MACROD2: variants seen among roughly 807,000 people sequenced by gnomAD.
The protein encoded by MACROD2 is mono-ADP ribosylhydrolase 2, also known as ADP-ribose glycohydrolase MACROD2.
In MACROD2, 36 loss-of-function variants were observed where a neutral mutation model predicts 70.4. The ratio of observed to expected loss-of-function variants is 0.51; its 90% CI spans 0.39 to 0.68. MACROD2 has a LOEUF of 0.68. Ranked by LOEUF, MACROD2 falls within the 30% of genes least tolerant of loss-of-function variation. MACROD2 has a pLI of 0.00. For missense variants in MACROD2, 496 were observed against 538.4 expected, an observed-to-expected ratio of 0.92 and a Z score of 0.78; for synonymous variants, 172 against 178.8, an observed-to-expected ratio of 0.96 and a Z score of 0.30.
intron 6 of MACROD2, among the ~76,000 whole-genome samples, chr20:15,386,837 A>G (rs2045720110): frequency 1.3e-5 from 2 of 152,340 alleles, no homozygotes; most frequent in South Asian, 4.1e-4. Context: ...AAATAGTTTG[A>G]AAAGTATTTA....
intron 8 of MACROD2, among the ~76,000 whole-genome samples, chr20:15,585,160 A>ATTT (rs2146655044): frequency 6.7e-6 from 1 of 149,762 alleles, no homozygotes; most frequent in South Asian, 2.1e-4. Context: ...TCCAGCCACC[A>ATTT]CTATCTGTGC....
At chr20:14,342,460 G>A (rs2083023123) in intron 3 of MACROD2, among the ~76,000 whole-genome samples, 1 of 152,126 alleles carries the variant, frequency 6.6e-6, no homozygotes, top group Non-Finnish European at 1.5e-5. Flanking sequence ...TCAACAGGTA[G>A]TGATGCATGT....
intron 3 of MACROD2, among the ~76,000 whole-genome samples, chr20:14,103,269 A>T (rs1313688954): frequency 6.6e-6 from 1 of 152,126 alleles, no homozygotes; most frequent in Non-Finnish European, 1.5e-5. Flanking sequence ...CCCTATTTTT[A>T]AAGGAATATC....
chr20:14,335,761 T>C (rs1042046185), intron 3 of MACROD2, among the ~76,000 whole-genome samples: 1 of 152,130 alleles, frequency 6.6e-6, no homozygotes, highest in African/African-American at 2.4e-5. Flanking sequence ...ACTTGATGTG[T>C]TTTGGTTGTG....
intron 15 of MACROD2, among the ~76,000 whole-genome samples, chr20:16,035,186 T>A (rs78652700): frequency 0.78 from 94,121 of 121,086 alleles, 36,669 homozygotes; most frequent in Non-Finnish European, 0.84. Flanking sequence ...TTATATATTA[T>A]ATATAAAATA....
intron 6 of MACROD2, among the ~76,000 whole-genome samples, chr20:15,298,711 C>T (rs1600214745): frequency 6.6e-6 from 1 of 152,084 alleles, no homozygotes; most frequent in East Asian, 1.9e-4. Flanking sequence ...TTCTGCATTC[C>T]CTTTAACACT....
intron 5 of MACROD2, among the ~76,000 whole-genome samples, chr20:15,191,931 TAGAG>T (rs10638417): frequency 1.4e-4 from 20 of 142,374 alleles, no homozygotes; most frequent in African/African-American, 4.2e-4. Context: ...TATATATATA[TAGAG>T]AGAGAGAGAG....
At chr20:15,085,417 CT>C (rs2075739468) in intron 5 of MACROD2, among the ~76,000 whole-genome samples, 1 of 152,062 alleles carries the variant, frequency 6.6e-6, no homozygotes, top group Non-Finnish European at 1.5e-5. Context: ...AAATTAAAAA[CT>C]TTTGTGCTTC....
intron 9 of MACROD2, among the ~76,000 whole-genome samples, chr20:15,870,085 C>T (rs1384929132): frequency 6.6e-6 from 1 of 151,996 alleles, no homozygotes; most frequent in Non-Finnish European, 1.5e-5. Context: ...CCACGTTTCA[C>T]TTATTTTGAC....
intron 9 of MACROD2, among the ~76,000 whole-genome samples, chr20:15,872,564 G>A (rs1203463644): frequency 6.6e-6 from 1 of 152,080 alleles, no homozygotes. Context: ...CATACTAATG[G>A]ACCAATTCCA....
intron 5 of MACROD2, among the ~76,000 whole-genome samples, chr20:14,892,198 A>C (rs778019516): frequency 6.6e-6 from 1 of 152,162 alleles, no homozygotes; most frequent in Non-Finnish European, 1.5e-5. Context: ...GTGGGCTGGC[A>C]TGGTGGCTCA....
chr20:15,266,964 T>C (rs1040669271), intron 6 of MACROD2, among the ~76,000 whole-genome samples: 1 of 152,260 alleles, frequency 6.6e-6, no homozygotes, highest in African/African-American at 2.4e-5. Context: ...GGAATTGTTC[T>C]TGTGGCTTAG....
chr20:14,998,538 A>C (rs1333738779), intron 5 of MACROD2, among the ~76,000 whole-genome samples: 1 of 152,228 alleles, frequency 6.6e-6, no homozygotes, highest in Non-Finnish European at 1.5e-5. Context: ...AGAAAGAATT[A>C]GTGAACTTGA....
intron 6 of MACROD2, among the ~76,000 whole-genome samples, chr20:15,364,258 G>C (rs1374852466): frequency 6.6e-6 from 1 of 152,134 alleles, no homozygotes; most frequent in South Asian, 2.1e-4. Context: ...TTCCTACTTA[G>C]TTAAGCACTG....
chr20:14,472,721 A>T (rs910078617), intron 3 of MACROD2, among the ~76,000 whole-genome samples: 13 of 152,210 alleles, frequency 8.5e-5, no homozygotes, highest in African/African-American at 3.1e-4. Context: ...ATGACATTTG[A>T]GGTGAGTCTT....
intron 5 of MACROD2, among the ~76,000 whole-genome samples, chr20:15,133,439 T>C (rs1456343188): frequency 6.6e-6 from 1 of 151,982 alleles, no homozygotes; most frequent in Non-Finnish European, 1.5e-5. Context: ...CATACAGAAA[T>C]AGAAGAAAAA....
At chr20:14,006,966 C>G (rs761169711) in intron 2 of MACROD2, among the ~76,000 whole-genome samples, 1 of 152,048 alleles carries the variant, frequency 6.6e-6, no homozygotes, top group Non-Finnish European at 1.5e-5. Flanking sequence ...GCACATAATG[C>G]GTCATTGTCT....
At chr20:15,096,731 G>A (rs965289398) in intron 5 of MACROD2, among the ~76,000 whole-genome samples, 5 of 151,308 alleles carry the variant, frequency 3.3e-5, no homozygotes, top group African/African-American at 1.2e-4. Flanking sequence ...AGGCTGGTCT[G>A]GAGCTCCTGA....
At chr20:14,564,785 CAAAGAACTAA>C (rs1444391076) in intron 4 of MACROD2, among the ~76,000 whole-genome samples, 6 of 151,756 alleles carry the variant, frequency 4.0e-5, no homozygotes, top group Non-Finnish European at 7.4e-5. Flanking sequence ...GGAGATTTCT[CAAAGAACTAA>C]AAATAGAACT....
Sources: gnomAD v4.1 joint callset for allele counts (sites outside exome capture counted in the v4.1 genomes callset) on GRCh38, gnomAD v4.1.1 for gene constraint, MANE v1.5 for transcripts, NCBI Gene and HGNC (gene_info 2026-07-23, HGNC 2026-07-21) for gene names.